The following LAMA2 variants were observed in gnomAD, a reference collection of about 807,000 sequenced individuals.
LAMA2 encodes laminin subunit alpha 2.
LAMA2 carries 269 observed loss-of-function variants against 364.8 expected under a neutral mutation model. The observed-to-expected ratio is 0.74, with a 90% CI of 0.67 to 0.82. The LOEUF is 0.82. Ranked by LOEUF, LAMA2 falls within the 40% of genes least tolerant of loss-of-function variation. The pLI, the probability that LAMA2 is intolerant of heterozygous loss-of-function variation, is 0.00. For missense variants in LAMA2, 3,807 were observed against 3,873.2 expected (o/e 0.98, Z 0.45); for synonymous variants, 1,379 against 1,370.6 (o/e 1.01, Z -0.14).
At chr6:129,300,608 T>A in intron 21 of LAMA2, 128 bp from the exon 22 acceptor site, 1 of 943,228 alleles carries the variant, frequency 1.1e-6, no homozygotes, top group Non-Finnish European at 1.7e-6. Context: ...AAGTTTTTAT[T>A]TCCAAATATC....
rs536549425 is a variant in LAMA2 at position 129,456,594 on chromosome 6, C to G, written c.6867+100C>G. The G allele has an allele frequency of 1.2e-5, 13 of 1,114,984 alleles. No homozygotes were observed. In the East Asian group the frequency reaches 2.8e-4, roughly 24 times the overall value. 69.1% of individuals were successfully genotyped at this position (1,114,984 alleles called of 1,614,324 possible). A position where few individuals can be genotyped will look rare whatever the true frequency, so the allele number is the denominator to read the frequency against. On this transcript the variant is annotated intron_variant, in intron 48 of 64. Coordinates refer to ENST00000421865, the MANE Select transcript of LAMA2 (RefSeq NM_000426.4). ...ATGATAAAGCTCTGTAAAACTTGAT[C>G]ACGTTTTACTTAACTTGCATTTATG...
chr6:129,232,502 AT>A (rs924711419), intron 12 of LAMA2, among the ~76,000 whole-genome samples: 2 of 151,860 alleles, frequency 1.3e-5, no homozygotes, highest in African/African-American at 2.4e-5. Context: ...TACATTCCTG[AT>A]TTTTTTCTCC....
rs121913572 is a variant in LAMA2 at position 129,481,422 on chromosome 6, C to G, written c.7732C>G (p.Arg2578Gly). 3 of 1,613,630 alleles carry G rather than the reference C, an allele frequency of 1.9e-6. No individual in the cohort carries two copies. Among genetic ancestry groups the G allele is most frequent in the Non-Finnish European group, 2.5e-6 (3 of 1,179,634 alleles). Residue 2578 changes from arginine to glycine, a missense_variant, in exon 55 of 65, where the codon CGA becomes GGA. Arg to Gly is a moderately radical substitution (Grantham distance 125). Coordinates refer to ENST00000421865, the MANE Select transcript of LAMA2 (RefSeq NM_000426.4). ...GGTPAPPRRKRRQTGQAYYAI... is the reference protein window; with the variant it reads ...GGTPAPPRRKGRQTGQAYYAI... The stretch of plus-strand genomic sequence containing the variant: ...GACACCAGCACCACCTAGGAGAAAA[C>G]GAAGGCAGACTGGACAGGTACCCTC...
chr6:129,168,646 G>A (rs1346447972), intron 9 of LAMA2, among the ~76,000 whole-genome samples: 15 of 144,368 alleles, frequency 1.0e-4, no homozygotes, highest in Admixed American at 2.8e-4. Flanking sequence ...TTGGCGATGC[G>A]GGCTCTTTTT....
At chr6:129,238,833 A>G (rs1217769794) in intron 12 of LAMA2, among the ~76,000 whole-genome samples, 2 of 152,178 alleles carry the variant, frequency 1.3e-5, no homozygotes, top group Non-Finnish European at 2.9e-5. Context: ...AAGTTCCATG[A>G]AAATGTTAGC....
chr6:129,342,581 T>C lies in LAMA2; in HGVS notation c.4436+114T>C, dbSNP rs1396292312. The C allele has an allele frequency of 7.2e-6, 7 of 976,512 alleles. No individual in the cohort carries two copies. In the African/African-American group the frequency reaches 1.0e-4, roughly 14 times the overall value. 60.5% of individuals were successfully genotyped at this position (976,512 alleles called of 1,614,324 possible). A position where few individuals can be genotyped will look rare whatever the true frequency, so the allele number is the denominator to read the frequency against. On this transcript the variant is annotated intron_variant, in intron 30 of 64. Transcript: ENST00000421865. Reference sequence around the variant, plus strand: ...TGTAGACAAAAATCTCAATTTAAGATAGAGATATTTTTAATAATATAGAAA... The same window carrying C: ...TGTAGACAAAAATCTCAATTTAAGACAGAGATATTTTTAATAATATAGAAA...
intron 1 of LAMA2, among the ~76,000 whole-genome samples, chr6:128,986,141 T>C (rs1783220347): frequency 6.6e-6 from 1 of 152,232 alleles, no homozygotes; most frequent in Non-Finnish European, 1.5e-5. Context: ...ATTGCAGTTA[T>C]GATTCTTTTC....
chr6:129,149,749 T>G (rs1180712617), intron 7 of LAMA2, among the ~76,000 whole-genome samples: 1 of 152,164 alleles, frequency 6.6e-6, no homozygotes, highest in South Asian at 2.1e-4. Context: ...CAAAAATGTT[T>G]GAAAAAAAGT....
intron 1 of LAMA2, among the ~76,000 whole-genome samples, chr6:128,895,296 T>C (rs1311260889): frequency 2.0e-5 from 3 of 152,024 alleles, no homozygotes; most frequent in Non-Finnish European, 2.9e-5. Context: ...ATAGTGTACT[T>C]ACCCACAGTT....
intron 29 of LAMA2, among the ~76,000 whole-genome samples, chr6:129,330,028 G>T (rs1009288009): frequency 2.0e-5 from 3 of 151,728 alleles, no homozygotes; most frequent in Admixed American, 2.0e-4. Flanking sequence ...GCGCTCCTGA[G>T]AATCTAATGC....
At chr6:129,218,268 T>C (rs964542845) in intron 12 of LAMA2, among the ~76,000 whole-genome samples, 7 of 152,178 alleles carry the variant, frequency 4.6e-5, no homozygotes, top group African/African-American at 1.7e-4. Flanking sequence ...TTTTAATTTC[T>C]TGAAGGAAGG....
At chr6:129,020,102 G>GAAAAAAAAAAAAAAAAA (rs57907508) in intron 1 of LAMA2, among the ~76,000 whole-genome samples, 1 of 134,216 alleles carries the variant, frequency 7.5e-6, no homozygotes, top group African/African-American at 2.9e-5. Flanking sequence ...GAAAAAAAAA[G>GAAAAAAAAAAAAAAAAA]AAAAAAAAAA....
chr6:129,353,699 TGTGA>T (rs1235378060), intron 32 of LAMA2, among the ~76,000 whole-genome samples: 3 of 152,220 alleles, frequency 2.0e-5, no homozygotes, highest in Non-Finnish European at 2.9e-5. Flanking sequence ...AGATTAAAGA[TGTGA>T]GTGTATTAAA....
intron 10 of LAMA2, 122 bp downstream of exon 10, chr6:129,177,988 T>G: frequency 9.6e-7 from 1 of 1,039,880 alleles, no homozygotes; most frequent in Non-Finnish European, 1.5e-6. Context: ...CATAATCTAT[T>G]CTACGTGTGG....
In LAMA2 at chr6:129,515,046, A is replaced by G. The variant is rs117963960; in HGVS notation, c.9211+451A>G. 6.1e-3 allele frequency among the ~76,000 whole-genome samples: 927 copies of G among 152,332 alleles called. 18 individuals carry two copies. The highest frequency in any genetic ancestry group is 0.049 in the East Asian group (253 of 5,184). On this transcript the variant is annotated intron_variant, in intron 64 of 64. Coordinates refer to ENST00000421865, the MANE Select transcript of LAMA2 (RefSeq NM_000426.4). ...CCCCTTATGTTATTATAGAGTTTAT[A>G]TTTATATTACAAAGAAACGCAAGCA...
intron 10 of LAMA2, among the ~76,000 whole-genome samples, chr6:129,182,267 G>T (rs1439872256): frequency 1.3e-5 from 2 of 151,542 alleles, no homozygotes; most frequent in African/African-American, 4.8e-5. Flanking sequence ...TGTGAAATTT[G>T]AAATGTTTAC....
chr6:129,087,876 CT>C (rs370785200), intron 3 of LAMA2, among the ~76,000 whole-genome samples: 31 of 145,630 alleles, frequency 2.1e-4, no homozygotes, highest in South Asian at 1.3e-3. Context: ...GATGATATTT[CT>C]TTTTTTTTTA....
In LAMA2 at chr6:129,202,377, G is replaced by A. The variant is rs7755813; in HGVS notation, c.1782+9524G>A. Among the ~76,000 whole-genome samples, 235 of 152,096 alleles carry A rather than the reference G, an allele frequency of 1.5e-3. 2 individuals are homozygous for A. Among genetic ancestry groups the A allele is most frequent in the African/African-American group, 5.4e-3 (225 of 41,500 alleles). ...TTAGAGGTGGGGCTTTTGGGGGAGT[G>A]ATTAAGTCATGAGGGCTCTAATCTC... On this transcript the variant is annotated intron_variant, in intron 12 of 64. Coordinates refer to ENST00000421865, the MANE Select transcript of LAMA2 (RefSeq NM_000426.4).
Position 129,059,902 on chromosome 6 carries a change from G to C in LAMA2, c.396+6G>C, listed in dbSNP as rs1341024110. 1 of 1,457,262 alleles carries C rather than the reference G, an allele frequency of 6.9e-7. No individual in the cohort carries two copies. 90.3% of individuals were successfully genotyped at this position (1,457,262 alleles called of 1,614,324 possible). A position where few individuals can be genotyped will look rare whatever the true frequency, so the allele number is the denominator to read the frequency against. ...TTACCCTGGATTTACAGCAGGTATA[G>C]TTCCTCTTTTTTTGTCATTTCCACT... On this transcript the variant is annotated splice_donor_region_variant and intron_variant, in intron 3 of 64. Transcript: ENST00000421865.
Sources: gnomAD v4.1 joint callset for allele counts (sites outside exome capture counted in the v4.1 genomes callset) on GRCh38, gnomAD v4.1.1 for gene constraint, MANE v1.5 for transcripts, NCBI Gene and HGNC (gene_info 2026-07-23, HGNC 2026-07-21) for gene names.